The following BMPR1B variants were observed in gnomAD, a reference collection of about 807,000 sequenced individuals.
BMPR1B encodes the protein bone morphogenetic protein receptor type-1B.
In BMPR1B, 12 loss-of-function variants were observed where a neutral mutation model predicts 59.1. That is an observed-to-expected ratio of 0.20 (90% CI 0.13 to 0.33). The LOEUF is 0.33. Ranked by LOEUF, BMPR1B falls within the 10% of genes least tolerant of loss-of-function variation. The probability of loss-of-function intolerance (pLI) is 1.00; values close to 1 mark genes in which losing one functional copy is unlikely to be tolerated. For missense variants in BMPR1B, 550 were observed against 610.9 expected (o/e 0.90, Z 1.05); for synonymous variants, 237 against 207.3 (o/e 1.14, Z -1.23).
intron 2 of BMPR1B, among the ~76,000 whole-genome samples, chr4:94,975,504 A>C (rs1730997050): frequency 6.6e-6 from 1 of 150,860 alleles, no homozygotes; most frequent in Admixed American, 6.6e-5. Context: ...CTGGGACTAC[A>C]GGCATGCGCC....
chr4:95,046,981 C>T (rs555026736), intron 3 of BMPR1B, among the ~76,000 whole-genome samples: 1 of 152,276 alleles, frequency 6.6e-6, no homozygotes, highest in South Asian at 2.1e-4. Context: ...ACATTGGTTC[C>T]TTCTCTGCAG....
intron 2 of BMPR1B, among the ~76,000 whole-genome samples, chr4:94,928,607 T>C (rs1398876332): frequency 6.6e-6 from 1 of 150,596 alleles, no homozygotes; most frequent in Non-Finnish European, 1.5e-5. Context: ...CCCTTAGTAA[T>C]ATAAGAAAAA....
At chr4:94,831,816 C>T (rs948961981) in intron 1 of BMPR1B, among the ~76,000 whole-genome samples, 1 of 152,152 alleles carries the variant, frequency 6.6e-6, no homozygotes, top group African/African-American at 2.4e-5. Context: ...TGCCTGAGCT[C>T]TGTCTCCTGT....
intron 2 of BMPR1B, among the ~76,000 whole-genome samples, chr4:94,915,262 T>A (rs1316622607): frequency 6.6e-6 from 1 of 152,200 alleles, no homozygotes; most frequent in Non-Finnish European, 1.5e-5. Context: ...TTACATTTTT[T>A]TCTTCTTTGT....
chr4:94,825,136 T>A (rs1025567884), intron 1 of BMPR1B, among the ~76,000 whole-genome samples: 6 of 152,078 alleles, frequency 3.9e-5, no homozygotes, highest in Admixed American at 3.3e-4. Flanking sequence ...TGGATGGGAG[T>A]TCATCGCTAG....
intron 1 of BMPR1B, among the ~76,000 whole-genome samples, chr4:94,819,606 G>T (rs540047190): frequency 6.6e-6 from 1 of 152,290 alleles, no homozygotes; most frequent in South Asian, 2.1e-4. Context: ...GTGTAAACAA[G>T]TTCTTCTCCC....
intron 2 of BMPR1B, among the ~76,000 whole-genome samples, chr4:94,908,791 AACCCTTATC>A (rs1379717280): frequency 6.6e-5 from 10 of 152,114 alleles, no homozygotes; most frequent in Middle Eastern, 6.8e-3. Context: ...ACATTATAAA[AACCCTTATC>A]TTTTGCTTGA....
chr4:95,127,948 G>A (rs1015912043), intron 8 of BMPR1B, among the ~76,000 whole-genome samples: 1 of 151,014 alleles, frequency 6.6e-6, no homozygotes, highest in Non-Finnish European at 1.5e-5. Flanking sequence ...GTTGTGGTGC[G>A]ATCTTGTCTC....
intron 3 of BMPR1B, among the ~76,000 whole-genome samples, chr4:95,082,930 C>T (rs1310416958): frequency 6.9e-6 from 1 of 145,180 alleles, no homozygotes; most frequent in South Asian, 2.2e-4. Flanking sequence ...CCCAGCTACT[C>T]AAGAGGCTGA....
At chr4:94,842,821 T>G (rs1266786198) in intron 1 of BMPR1B, among the ~76,000 whole-genome samples, 1 of 152,000 alleles carries the variant, frequency 6.6e-6, no homozygotes, top group African/African-American at 2.4e-5. Flanking sequence ...ACAAATATAT[T>G]TATCTTCATT....
intron 2 of BMPR1B, among the ~76,000 whole-genome samples, chr4:94,957,549 TGTTTGCA>T (rs1730194313): frequency 6.6e-6 from 1 of 152,024 alleles, no homozygotes; most frequent in African/African-American, 2.4e-5. Flanking sequence ...CTTTCCTCAT[TGTTTGCA>T]CTGCAACTTT....
At chr4:94,974,088 T>C (rs1420198544) in intron 2 of BMPR1B, among the ~76,000 whole-genome samples, 2 of 152,214 alleles carry the variant, frequency 1.3e-5, no homozygotes, top group African/African-American at 4.8e-5. Flanking sequence ...AAAATTATAC[T>C]GATTTACTTA....
intron 4 of BMPR1B, among the ~76,000 whole-genome samples, chr4:95,106,883 C>T (rs1455117770): frequency 6.6e-6 from 1 of 151,892 alleles, no homozygotes; most frequent in African/African-American, 2.4e-5. Context: ...GTGGGCTTCA[C>T]TTCATGCTGC....
intron 2 of BMPR1B, among the ~76,000 whole-genome samples, chr4:94,969,653 T>C (rs571657142): frequency 2.0e-5 from 3 of 152,350 alleles, no homozygotes; most frequent in South Asian, 4.1e-4. Context: ...CCTTCTCTGC[T>C]TTATTTTTCT....
chr4:94,846,888 A>G (rs546752023), intron 1 of BMPR1B, among the ~76,000 whole-genome samples: 5 of 152,134 alleles, frequency 3.3e-5, no homozygotes, highest in Non-Finnish European at 7.4e-5. Flanking sequence ...ACATAGGACT[A>G]GGCAAAAATT....
chr4:95,059,818 T>C (rs1180050806), intron 3 of BMPR1B, among the ~76,000 whole-genome samples: 19 of 152,184 alleles, frequency 1.2e-4, no homozygotes, highest in Non-Finnish European at 2.2e-4. Flanking sequence ...GAGCAAATTT[T>C]GGTGCTTGCC....
intron 3 of BMPR1B, among the ~76,000 whole-genome samples, chr4:95,040,441 A>G (rs927866667): frequency 4.6e-5 from 7 of 152,206 alleles, no homozygotes; most frequent in Non-Finnish European, 1.0e-4. Flanking sequence ...TGACTTTAGG[A>G]TGAAATAAGA....
chr4:95,116,465 G>A (rs1328671908), intron 6 of BMPR1B, among the ~76,000 whole-genome samples: 3 of 66,192 alleles, frequency 4.5e-5, no homozygotes, highest in South Asian at 9.0e-4. Context: ...ACACACACAC[G>A]GTTTTTTGTT....
chr4:95,059,441 T>G (rs1727179670), intron 3 of BMPR1B, among the ~76,000 whole-genome samples: 1 of 152,134 alleles, frequency 6.6e-6, no homozygotes, highest in African/African-American at 2.4e-5. Context: ...GGGAAGAGTC[T>G]AAAGGAGAAA....
Sources: gnomAD v4.1 joint callset for allele counts (sites outside exome capture counted in the v4.1 genomes callset) on GRCh38, gnomAD v4.1.1 for gene constraint, MANE v1.5 for transcripts, NCBI Gene and HGNC (gene_info 2026-07-23, HGNC 2026-07-21) for gene names.